Variants in DGCR2 observed in about 807,000 individuals in gnomAD.
The protein encoded by DGCR2 is integral membrane protein DGCR2/IDD.
A neutral mutation model predicts 51.6 loss-of-function variants in DGCR2; 24 were observed. The observed-to-expected ratio is 0.47, with a 90% CI of 0.34 to 0.65. The LOEUF (loss-of-function observed/expected upper bound fraction) is 0.65. Ranked by LOEUF, DGCR2 falls within the 30% of genes least tolerant of loss-of-function variation. The pLI is 0.01. For missense variants in DGCR2, 765 were observed against 772.1 expected (o/e 0.99, Z 0.11); for synonymous variants, 340 against 315.4 (o/e 1.08, Z -0.82).
At chr22:19,076,800 G>A (rs571747452) in intron 2 of DGCR2, among the ~76,000 whole-genome samples, 13 of 126,964 alleles carry the variant, frequency 1.0e-4, no homozygotes, top group Admixed American at 8.6e-4. Flanking sequence ...GTGTGATCTC[G>A]GCTCACTGCA....
chr22:19,067,424 G>A (rs1325517420), intron 3 of DGCR2, among the ~76,000 whole-genome samples: 5 of 152,118 alleles, frequency 3.3e-5, no homozygotes, highest in Admixed American at 3.3e-4. Context: ...TGGACACAGT[G>A]GCTCATGCCT....
At chr22:19,063,145 C>T in intron 5 of DGCR2, 57 bp downstream of exon 5, 1 of 1,538,522 alleles carries the variant, frequency 6.5e-7, no homozygotes, top group Non-Finnish European at 9.0e-7. Flanking sequence ...AGGGGAGGCC[C>T]CGAATCAGGG....
intron 2 of DGCR2, among the ~76,000 whole-genome samples, chr22:19,076,799 C>T (rs1269114250): frequency 1.6e-5 from 2 of 125,814 alleles, no homozygotes; most frequent in African/African-American, 3.2e-5. Flanking sequence ...GGTGTGATCT[C>T]GGCTCACTGC....
At chr22:19,096,585 T>C (rs1191351348) in intron 1 of DGCR2, among the ~76,000 whole-genome samples, 3 of 148,410 alleles carry the variant, frequency 2.0e-5, no homozygotes, top group Admixed American at 6.8e-5. Flanking sequence ...AACTACTGTG[T>C]CCATAAAGTT....
rs2082373106 is a variant in DGCR2 at position 19,036,719 on chromosome 22, G to A, written c.*2146C>T. 2.0e-5 allele frequency: 3 copies of A among 149,518 alleles called. No homozygotes were observed. The highest frequency in any genetic ancestry group is 2.5e-5 in the African/African-American group (1 of 40,370). 9.3% of individuals were successfully genotyped at this position (149,518 alleles called of 1,614,324 possible). A position where few individuals can be genotyped will look rare whatever the true frequency, so the allele number is the denominator to read the frequency against. On this transcript the variant is annotated 3_prime_UTR_variant, in exon 10 of 10. Transcript: ENST00000263196. ...GTGGACCTTCTGCCTGGCCCAACGTGCCAGTGGCCTGAGTGCTTGTGGAGG... is the reference window on the plus strand; with the variant it reads ...GTGGACCTTCTGCCTGGCCCAACGTACCAGTGGCCTGAGTGCTTGTGGAGG...
At chr22:19,119,700 C>A (rs911615210) in intron 1 of DGCR2, among the ~76,000 whole-genome samples, 1 of 145,876 alleles carries the variant, frequency 6.9e-6, no homozygotes, top group Non-Finnish European at 1.5e-5. Flanking sequence ...CACGCTACTG[C>A]ACTCCAGCCT....
chr22:19,083,709 C>CTCTCCCTCTCCCCACGG (rs1407435321), intron 2 of DGCR2, among the ~76,000 whole-genome samples: 1 of 139,448 alleles, frequency 7.2e-6, no homozygotes, highest in Non-Finnish European at 1.6e-5. Context: ...CCCCCTCCCC[C>CTCTCCCTCTCCCCACGG]TCTCCCTCTC....
In DGCR2 at chr22:19,122,372, C is replaced by T. The variant is rs1405568652; in HGVS notation, c.-166G>A. 4.0e-6 allele frequency: 2 copies of T among 494,900 alleles called. No homozygotes were observed. The highest frequency in any genetic ancestry group is 6.9e-6 in the Non-Finnish European group (2 of 289,766). The allele number at this position is 494,900 out of a possible 1,614,324, so 30.7% of individuals were successfully genotyped here. On this transcript the variant is annotated 5_prime_UTR_variant, in exon 1 of 10. Coordinates refer to ENST00000263196, the MANE Select transcript of DGCR2 (RefSeq NM_005137.3). ...TGGGCCGCGGGCTGGCGCACACTCT[C>T]GGCTGCAACCTCAGGCACCGACTCC...
chr22:19,115,799 ACT>A (rs1205541403), intron 1 of DGCR2, among the ~76,000 whole-genome samples: 1 of 151,884 alleles, frequency 6.6e-6, no homozygotes, highest in Non-Finnish European at 1.5e-5. Flanking sequence ...AGCAAAGAGC[ACT>A]CTCTGTGTGG....
intron 4 of DGCR2, 94 bp downstream of exon 4, chr22:19,064,754 G>C: frequency 8.1e-7 from 1 of 1,238,652 alleles, no homozygotes; most frequent in Non-Finnish European, 1.1e-6. Context: ...TCTGCCAGCT[G>C]TGCTCCAGGA....
At chr22:19,119,120 G>C (rs564286750) in intron 1 of DGCR2, among the ~76,000 whole-genome samples, 5 of 152,238 alleles carry the variant, frequency 3.3e-5, no homozygotes, top group Admixed American at 6.5e-5. Flanking sequence ...GACCTAACAG[G>C]GGACAGAGGC....
chr22:19,111,312 G>A (rs879389305), intron 1 of DGCR2, among the ~76,000 whole-genome samples: 6 of 152,156 alleles, frequency 3.9e-5, no homozygotes, highest in Non-Finnish European at 8.8e-5. Context: ...GAACACTAGC[G>A]ATGCCCAACT....
chr22:19,070,702 C>G (rs114749310), intron 2 of DGCR2, among the ~76,000 whole-genome samples: 147 of 152,362 alleles, frequency 9.6e-4, no homozygotes, highest in African/African-American at 3.4e-3. Context: ...TAAAGGACAC[C>G]ACTCTGTTGA....
chr22:19,075,346 C>G (rs2082863192), intron 2 of DGCR2, among the ~76,000 whole-genome samples: 1 of 151,990 alleles, frequency 6.6e-6, no homozygotes, highest in Admixed American at 6.6e-5. Flanking sequence ...ACTTGGGAGG[C>G]TGAGGCAGGA....
chr22:19,121,303 T>TA (rs992726729), intron 1 of DGCR2, among the ~76,000 whole-genome samples: 4 of 151,440 alleles, frequency 2.6e-5, no homozygotes, highest in Non-Finnish European at 5.9e-5. Flanking sequence ...CTGCTGACTT[T>TA]AAAAAAAAAT....
At chr22:19,059,735 G>A (rs893649144) in intron 5 of DGCR2, among the ~76,000 whole-genome samples, 9 of 152,048 alleles carry the variant, frequency 5.9e-5, no homozygotes, top group Non-Finnish European at 2.9e-5. Flanking sequence ...GGGCTGGGCC[G>A]TCACCAGCCA....
At position 19,067,959 on chromosome 22, in the gene DGCR2, T is replaced by G. The variant is rs531825931; in HGVS notation, c.328+141A>C. On this transcript the variant is annotated intron_variant, in intron 3 of 9. Transcript: ENST00000263196. ...CTGGGTGACTGCGGGTGGGTCATCA[T>G]GCAGCCTCATTCATTCCCCTCACTG... 14 of 1,221,190 alleles carry G rather than the reference T, an allele frequency of 1.1e-5. No individual in the cohort carries two copies. In the Admixed American group the frequency reaches 2.6e-4, roughly 23 times the overall value. The allele number at this position is 1,221,190 out of a possible 1,614,324, so 75.6% of individuals were successfully genotyped here. A position where few individuals can be genotyped will look rare whatever the true frequency, so the allele number is the denominator to read the frequency against.
intron 1 of DGCR2, among the ~76,000 whole-genome samples, chr22:19,105,468 G>C (rs957668229): frequency 7.2e-5 from 11 of 152,190 alleles, no homozygotes; most frequent in African/African-American, 2.7e-4. Context: ...GCCTTGAATG[G>C]GGCCTCAGAG....
At chr22:19,048,785 G>T in intron 6 of DGCR2, 142 bp from the exon 7 acceptor site, 1 of 782,314 alleles carries the variant, frequency 1.3e-6, no homozygotes, top group Non-Finnish European at 2.1e-6. Flanking sequence ...GAAGGAGGCA[G>T]CTGGAGGGGG....
Sources: allele counts gnomAD v4.1 joint callset (sites outside exome capture counted in the v4.1 genomes callset), GRCh38; gene constraint gnomAD v4.1.1; transcripts MANE v1.5; gene names NCBI Gene and HGNC (gene_info 2026-07-23, HGNC 2026-07-21).